Variants in MED12L observed in about 807,000 individuals in gnomAD.
MED12L encodes mediator of RNA polymerase II transcription subunit 12-like protein.
Under a neutral mutation model 281.3 loss-of-function variants are expected in MED12L, and 60 were observed. The ratio of observed to expected loss-of-function variants is 0.21; its 90% CI spans 0.17 to 0.26. MED12L has a LOEUF of 0.26. Ranked by LOEUF, MED12L falls within the 10% of genes least tolerant of loss-of-function variation. The pLI is 1.00. For synonymous variants in MED12L, 974 were observed against 987.2 expected, an observed-to-expected ratio of 0.99 and a Z score of 0.25; for missense variants, 2,146 against 2,680.9, an observed-to-expected ratio of 0.80 and a Z score of 4.41.
rs374533892 is a variant in MED12L, at chr3:151,365,018, C to T, written c.2997C>T (p.Asn999=). The change falls in exon 22 of 45, where the codon AAC becomes AAT. Residue 999 remains asparagine, a synonymous_variant. Coordinates refer to ENST00000687756, the MANE Select transcript of MED12L (RefSeq NM_001393769.1). ...AAGTAAAGCAAACCATATATAATAA[C>T]GTGATGCCTGCAAATTCGAACTTGC... ...CSKVKQTIYN[N]VMPANSNLRW... The T allele has an allele frequency of 5.0e-5, 81 of 1,613,822 alleles. No homozygotes were observed. Among genetic ancestry groups the T allele is most frequent in the South Asian group, 6.6e-5 (6 of 91,082 alleles).
intron 2 of MED12L, among the ~76,000 whole-genome samples, chr3:151,093,182 C>T (rs1158845609): frequency 2.0e-5 from 3 of 152,136 alleles, no homozygotes; most frequent in Non-Finnish European, 4.4e-5. Flanking sequence ...TGCACACCTG[C>T]GGTCCCAGCT....
intron 39 of MED12L, among the ~76,000 whole-genome samples, chr3:151,406,362 G>A (rs1716306965): frequency 6.6e-6 from 1 of 152,116 alleles, no homozygotes; most frequent in Non-Finnish European, 1.5e-5. Context: ...ATGTGTTCCT[G>A]ACATTATTCT....
chr3:151,126,129 A>G (rs956247282), intron 4 of MED12L, among the ~76,000 whole-genome samples: 4 of 148,382 alleles, frequency 2.7e-5, no homozygotes, highest in African/African-American at 1.0e-4. Context: ...GCTCACTGCA[A>G]CCTCCACCTC....
intron 16 of MED12L, chr3:151,269,434 CACACACAA>C (rs1740461819): frequency 5.0e-6 from 1 of 198,048 alleles, no homozygotes; most frequent in African/African-American, 2.6e-5. Flanking sequence ...CACACACACA[CACACACAA>C]AATTCAGAGA....
intron 20 of MED12L, among the ~76,000 whole-genome samples, chr3:151,360,119 A>C (rs1754428914): frequency 6.6e-6 from 1 of 152,088 alleles, no homozygotes; most frequent in African/African-American, 2.4e-5. Flanking sequence ...ACGCTGATGG[A>C]ATTTGTGAAT....
At chr3:151,382,857 C>T in intron 33 of MED12L, 112 bp downstream of exon 33, 1 of 741,496 alleles carries the variant, frequency 1.3e-6, no homozygotes, top group East Asian at 2.8e-5. Context: ...TGAGGCCTTC[C>T]ACTCTTTGCT....
rs373286649 is a variant in MED12L, at chr3:151,414,847, T to A, written c.6298-1465T>A. ...AAAGCTCTCTAATCCTGTTTTGTCA[T>A]GGAAATACTTATAGTACCTATCTCT... On this transcript the variant is annotated intron_variant, in intron 42 of 44. Coordinates refer to ENST00000687756, the MANE Select transcript of MED12L (RefSeq NM_001393769.1). Among the ~76,000 whole-genome samples, 14 of 152,358 alleles carry A rather than the reference T, an allele frequency of 9.2e-5. No individual in the cohort carries two copies. In the East Asian group the frequency reaches 1.9e-3, roughly 21 times the overall value.
intron 16 of MED12L, among the ~76,000 whole-genome samples, chr3:151,341,117 G>A (rs185239229): frequency 8.6e-4 from 131 of 152,200 alleles, no homozygotes; most frequent in African/African-American, 3.1e-3. Flanking sequence ...GAAATATATT[G>A]TGTACAACAC....
At chr3:151,116,306 C>T in intron 2 of MED12L, 32 bp from the exon 3 acceptor site, 1 of 1,494,612 alleles carries the variant, frequency 6.7e-7, no homozygotes, top group South Asian at 1.2e-5. Flanking sequence ...CTTTTACATC[C>T]TTCTGCTTAA....
chr3:151,155,607 C>T (rs1719170168), intron 5 of MED12L, among the ~76,000 whole-genome samples: 1 of 152,148 alleles, frequency 6.6e-6, no homozygotes, highest in East Asian at 1.9e-4. Context: ...CATGGTCCAG[C>T]CCGCAGTGAA....
chr3:151,392,247 T>A lies in MED12L; in HGVS notation c.5608+2112T>A, dbSNP rs556944318. On this transcript the variant is annotated intron_variant, in intron 38 of 44. Transcript: ENST00000687756. Reference sequence around the variant, plus strand: ...GGGAGGCCAAAGTGGGCAGATCACCTAAGGTCAGGAGTTAAAGACCAGCCT... The same window carrying A: ...GGGAGGCCAAAGTGGGCAGATCACCAAAGGTCAGGAGTTAAAGACCAGCCT... Among the ~76,000 whole-genome samples, 6 of 152,112 alleles carry A rather than the reference T, an allele frequency of 3.9e-5. No individual in the cohort carries two copies. In the South Asian group the frequency reaches 1.2e-3, roughly 32 times the overall value.
intron 16 of MED12L, among the ~76,000 whole-genome samples, chr3:151,345,517 CTTTTTTT>C (rs201731496): frequency 0.055 from 7,300 of 131,656 alleles, 198 homozygotes; most frequent in East Asian, 0.13. Flanking sequence ...TTTTCTTTTT[CTTTTTTT>C]TTTTTTTTTT....
At chr3:151,103,953 A>G (rs781006648) in intron 2 of MED12L, among the ~76,000 whole-genome samples, 2 of 152,176 alleles carry the variant, frequency 1.3e-5, no homozygotes, top group Non-Finnish European at 2.9e-5. Context: ...CTTGTCTGTT[A>G]TGAGGATGGT....
At chr3:151,182,872 T>G (rs1258656103) in intron 11 of MED12L, among the ~76,000 whole-genome samples, 1 of 152,048 alleles carries the variant, frequency 6.6e-6, no homozygotes, top group African/African-American at 2.4e-5. Flanking sequence ...AGGCATGGGT[T>G]TAGCTTGCCT....
intron 16 of MED12L, among the ~76,000 whole-genome samples, chr3:151,301,813 T>G (rs549731856): frequency 6.6e-6 from 1 of 152,322 alleles, no homozygotes; most frequent in South Asian, 2.1e-4. Flanking sequence ...AATTTAAAAT[T>G]ACGGTACAGC....
At chr3:151,173,784 T>A (rs758677350) in intron 11 of MED12L, among the ~76,000 whole-genome samples, 2 of 152,218 alleles carry the variant, frequency 1.3e-5, no homozygotes, top group Non-Finnish European at 2.9e-5. Context: ...CGTGTAGTAG[T>A]ACATGATAAG....
intron 2 of MED12L, among the ~76,000 whole-genome samples, chr3:151,106,774 A>G (rs182769893): frequency 6.6e-6 from 1 of 152,184 alleles, no homozygotes; most frequent in African/African-American, 2.4e-5. Context: ...GTCCCTCTTT[A>G]TCTCTGATAA....
At chr3:151,413,106 G>T in intron 41 of MED12L, 33 bp from the exon 42 acceptor site, 1 of 1,593,334 alleles carries the variant, frequency 6.3e-7, no homozygotes, top group Non-Finnish European at 8.6e-7. Flanking sequence ...CATTATGCTT[G>T]GGCCTGAACC....
intron 16 of MED12L, chr3:151,328,274 A>G (rs1404438401): frequency 8.1e-6 from 13 of 1,614,050 alleles, no homozygotes; most frequent in Non-Finnish European, 9.3e-6. Context: ...GAAGACAGCC[A>G]CGACAACAAA....
Sources: gnomAD v4.1 joint callset for allele counts (sites outside exome capture counted in the v4.1 genomes callset) on GRCh38, gnomAD v4.1.1 for gene constraint, MANE v1.5 for transcripts, NCBI Gene and HGNC (gene_info 2026-07-23, HGNC 2026-07-21) for gene names.